The following PATJ variants were observed in gnomAD, a reference collection of about 807,000 sequenced individuals.
The protein encoded by PATJ is PATJ crumbs cell polarity complex component, also known as inaD-like protein.
Under a neutral mutation model 224.9 loss-of-function variants are expected in PATJ, and 190 were observed. That is an observed-to-expected ratio of 0.84 (90% CI 0.75 to 0.95). The LOEUF (loss-of-function observed/expected upper bound fraction) is 0.95. Ranked by LOEUF, PATJ falls within the 40% of genes least tolerant of loss-of-function variation. PATJ has a pLI of 0.00. For synonymous variants in PATJ, 769 were observed against 820.3 expected (o/e 0.94, Z 1.07); for missense variants, 2,121 against 2,270.3 (o/e 0.93, Z 1.34).
intron 36 of PATJ, 93 bp from the exon 37 acceptor site, chr1:62,117,039 A>G: frequency 9.5e-7 from 1 of 1,047,974 alleles, no homozygotes; most frequent in Non-Finnish European, 1.4e-6. Flanking sequence ...TTACCCTTTT[A>G]TAATTTGTGG....
At chr1:62,135,648 G>C (rs1666782127) in intron 41 of PATJ, among the ~76,000 whole-genome samples, 1 of 152,144 alleles carries the variant, frequency 6.6e-6, no homozygotes, top group South Asian at 2.1e-4. Context: ...GAGGTAGGCT[G>C]TAGTGTCAGA....
intron 1 of PATJ, among the ~76,000 whole-genome samples, chr1:61,745,556 G>T (rs900912649): frequency 6.6e-6 from 1 of 151,098 alleles, no homozygotes; most frequent in Non-Finnish European, 1.5e-5. Context: ...TTACAGGCGT[G>T]AGTCACTGCA....
chr1:61,954,727 T>A (rs1178409246), intron 27 of PATJ, among the ~76,000 whole-genome samples: 2 of 151,694 alleles, frequency 1.3e-5, no homozygotes, highest in Non-Finnish European at 2.9e-5. Context: ...TATCTTTTTC[T>A]TACATTTATG....
intron 16 of PATJ, among the ~76,000 whole-genome samples, chr1:61,832,161 C>A (rs1659449467): frequency 6.6e-6 from 1 of 152,024 alleles, no homozygotes; most frequent in Non-Finnish European, 1.5e-5. Context: ...ACAATATACG[C>A]TGGGGCCTAC....
At chr1:61,759,628 G>A (rs560817457) in intron 1 of PATJ, among the ~76,000 whole-genome samples, 6 of 152,262 alleles carry the variant, frequency 3.9e-5, no homozygotes, top group East Asian at 3.9e-4. Context: ...GGCTGGTCTC[G>A]AGCTCCTGAC....
At chr1:61,978,012 C>T (rs548239799) in intron 27 of PATJ, among the ~76,000 whole-genome samples, 1 of 151,832 alleles carries the variant, frequency 6.6e-6, no homozygotes, top group African/African-American at 2.4e-5. Flanking sequence ...AACCACCATC[C>T]AGGTAATGAA....
chr1:61,911,695 T>TA (rs1672666028), intron 25 of PATJ, among the ~76,000 whole-genome samples: 89 of 140,600 alleles, frequency 6.3e-4, no homozygotes, highest in South Asian at 9.0e-4. Context: ...CTATATATTT[T>TA]TATATATATA....
At chr1:61,913,547 T>TA (rs1673002772) in intron 25 of PATJ, among the ~76,000 whole-genome samples, 1 of 152,236 alleles carries the variant, frequency 6.6e-6, no homozygotes, top group Non-Finnish European at 1.5e-5. Context: ...CACCAGATTT[T>TA]ATGCCAAGAT....
At chr1:62,008,970 A>G (rs1646266262) in intron 28 of PATJ, among the ~76,000 whole-genome samples, 1 of 152,214 alleles carries the variant, frequency 6.6e-6, no homozygotes, top group Admixed American at 6.5e-5. Flanking sequence ...ACATGTCTAC[A>G]TAATTTATTA....
At chr1:62,103,611 G>A (rs555678714) in intron 33 of PATJ, among the ~76,000 whole-genome samples, 59 of 152,198 alleles carry the variant, frequency 3.9e-4, no homozygotes, top group African/African-American at 1.4e-3. Flanking sequence ...AAAATTGGCC[G>A]AGTATGGTGG....
At chr1:61,826,491 A>G (rs1658290721) in intron 15 of PATJ, among the ~76,000 whole-genome samples, 1 of 152,234 alleles carries the variant, frequency 6.6e-6, no homozygotes, top group Non-Finnish European at 1.5e-5. Flanking sequence ...GATTCTGTTC[A>G]TGCCTCAGCT....
intron 28 of PATJ, chr1:61,991,829 G>T (rs1340322619): frequency 4.2e-6 from 3 of 716,006 alleles, no homozygotes; most frequent in Non-Finnish European, 5.1e-6. Context: ...GACTTCCTCA[G>T]AGATGAGACA....
At chr1:61,983,273 A>G (rs12059237) in intron 27 of PATJ, among the ~76,000 whole-genome samples, 25,065 of 151,916 alleles carry the variant, frequency 0.16, 2,354 homozygotes, top group Non-Finnish European at 0.21. Context: ...TAAAAATTCA[A>G]TGGAAGTATA....
intron 20 of PATJ, among the ~76,000 whole-genome samples, chr1:61,874,637 C>T (rs1233691975): frequency 1.3e-5 from 2 of 152,172 alleles, no homozygotes; most frequent in Non-Finnish European, 2.9e-5. Context: ...TTTGCAGGGT[C>T]AGGGGAAACA....
intron 28 of PATJ, chr1:62,013,398 A>T: frequency 2.0e-6 from 2 of 985,322 alleles, no homozygotes; most frequent in Non-Finnish European, 1.2e-6. Context: ...TTGATTAAGC[A>T]CCACTTCCAT....
chr1:62,040,792 A>G (rs1228157159), intron 30 of PATJ, among the ~76,000 whole-genome samples: 1 of 146,622 alleles, frequency 6.8e-6, no homozygotes, highest in African/African-American at 2.5e-5. Context: ...GAGTGAGGTG[A>G]CCTGATACAT....
intron 30 of PATJ, among the ~76,000 whole-genome samples, chr1:62,049,156 G>A (rs1435457166): frequency 2.0e-5 from 3 of 151,104 alleles, no homozygotes; most frequent in Non-Finnish European, 4.4e-5. Flanking sequence ...GCAATCGTAT[G>A]TGATAATTCT....
intron 3 of PATJ, 75 bp from the exon 4 acceptor site, chr1:61,766,198 TGTAATG>T: frequency 1.1e-6 from 1 of 914,932 alleles, no homozygotes; most frequent in Non-Finnish European, 1.7e-6. Flanking sequence ...AAAGTATCTA[TGTAATG>T]GTCAAAATAT....
At chr1:62,100,521 C>T (rs113199971) in intron 33 of PATJ, 78 of 619,314 alleles carry the variant, frequency 1.3e-4, no homozygotes, top group African/African-American at 1.1e-3. Flanking sequence ...TACCCAATCA[C>T]GCCTTAAAGG....
Sources: allele counts gnomAD v4.1 joint callset (sites outside exome capture counted in the v4.1 genomes callset), GRCh38; gene constraint gnomAD v4.1.1; transcripts MANE v1.5; gene names NCBI Gene and HGNC (gene_info 2026-07-23, HGNC 2026-07-21).